ECPAS: variants seen among roughly 807,000 people sequenced by gnomAD.
The protein encoded by ECPAS is proteasome adapter and scaffold protein ECM29.
In ECPAS, 70 loss-of-function variants were observed where a neutral mutation model predicts 255.1. The ratio of observed to expected loss-of-function variants is 0.27; its 90% CI spans 0.23 to 0.33. ECPAS has a LOEUF of 0.33. Ranked by LOEUF, ECPAS falls within the 10% of genes least tolerant of loss-of-function variation. The probability of loss-of-function intolerance (pLI) is 1.00; values close to 1 mark genes in which losing one functional copy is unlikely to be tolerated. For synonymous variants in ECPAS, 784 were observed against 775.0 expected (o/e 1.01, Z -0.19); for missense variants, 1,817 against 2,206.4 (o/e 0.82, Z 3.54).
In ECPAS at chr9:111,384,085, T is replaced by C. The variant is rs138370379; in HGVS notation, c.3681+437A>G. ...ATTTAAAACCTGGTTTTACTATTTA[T>C]GTGACCTATGGCAAGGTTTGTGCAA... On this transcript the variant is annotated intron_variant, in intron 34 of 49. Coordinates refer to ENST00000684092, the MANE Select transcript of ECPAS (RefSeq NM_001364929.1). Among the ~76,000 whole-genome samples, 486 of 152,354 alleles carry C rather than the reference T, an allele frequency of 3.2e-3. 3 individuals carry two copies. Among genetic ancestry groups the C allele is most frequent in the African/African-American group, 0.011 (471 of 41,582 alleles).
chr9:111,389,927 G>A (rs913960769), intron 30 of ECPAS, 57 bp downstream of exon 30: 17 of 1,290,230 alleles, frequency 1.3e-5, no homozygotes, highest in Non-Finnish European at 1.6e-5. Flanking sequence ...GTCTGCCAAT[G>A]TAGCATGTTT....
intron 34 of ECPAS, among the ~76,000 whole-genome samples, chr9:111,383,854 C>T (rs946438021): frequency 2.0e-5 from 3 of 151,798 alleles, no homozygotes; most frequent in Admixed American, 6.6e-5. Flanking sequence ...CCCGGCAGGT[C>T]GAGACTACAG....
rs1267496007 is a variant in ECPAS at position 111,484,360 on chromosome 9, G to C, written c.-327C>G. 6 of 1,611,242 alleles carry C rather than the reference G, an allele frequency of 3.7e-6. No individual in the cohort carries two copies. Among genetic ancestry groups the C allele is most frequent in the Non-Finnish European group, 5.1e-6 (6 of 1,179,232 alleles). ...GGGCCCGACCTGGGGAAACACGCCT[G>C]TCCAAAGGAAGAGACGTGGACTCAG... On this transcript the variant is annotated 5_prime_UTR_variant, in exon 1 of 50. Coordinates refer to ENST00000684092, the MANE Select transcript of ECPAS (RefSeq NM_001364929.1).
Position 111,397,019 on chromosome 9 carries a change from A to G in ECPAS, c.2776+11T>C, listed in dbSNP as rs761469931. On this transcript the variant is annotated intron_variant, in intron 25 of 49. Transcript: ENST00000684092. ...TGATCATTATAAATCGATTAGCTGA[A>G]TATTTGGTACCAGCAGGTGGAGTAT... 2 of 1,613,878 alleles carry G rather than the reference A, an allele frequency of 1.2e-6. No individual in the cohort carries two copies. The highest frequency in any genetic ancestry group is 8.5e-7 in the Non-Finnish European group (1 of 1,179,758).
chr9:111,414,550 G>C lies in ECPAS; in HGVS notation c.1866C>G (p.Arg622=). The change falls in exon 19 of 50, where the codon CGC becomes CGG. Residue 622 remains arginine (R), a synonymous_variant. Coordinates refer to ENST00000684092, the MANE Select transcript of ECPAS (RefSeq NM_001364929.1). ...CGCTTGACATTAAAGTCCGTATGTAGCGCCCAATGGCTGGGGCATGATCCT... is the reference window on the plus strand; with the variant it reads ...CGCTTGACATTAAAGTCCGTATGTACCGCCCAATGGCTGGGGCATGATCCT... ...DMQDHAPAIG[R]YIRTLMSSGQ... 2 of 1,613,998 alleles carry C rather than the reference G, an allele frequency of 1.2e-6. No individual in the cohort carries two copies. Among genetic ancestry groups the C allele is most frequent in the Non-Finnish European group, 1.7e-6 (2 of 1,179,882 alleles).
chr9:111,425,370 A>G (rs1311406575), intron 12 of ECPAS, 48 bp downstream of exon 12: 1 of 1,204,690 alleles, frequency 8.3e-7, no homozygotes, highest in Non-Finnish European at 1.2e-6. Context: ...TATAGAAAAT[A>G]CTTTAAGATA....
chr9:111,437,455 T>C (rs956851778), intron 6 of ECPAS, among the ~76,000 whole-genome samples: 2 of 152,176 alleles, frequency 1.3e-5, no homozygotes, highest in African/African-American at 2.4e-5. Context: ...GAGGAAAAGT[T>C]TGTTGACAAA....
chr9:111,474,978 T>A (rs74489990), intron 1 of ECPAS, among the ~76,000 whole-genome samples: 1 of 152,144 alleles, frequency 6.6e-6, no homozygotes, highest in Non-Finnish European at 1.5e-5. Flanking sequence ...CTTACTCAGC[T>A]TTTTTTGTTT....
chr9:111,401,538 A>C (rs1564519556), intron 24 of ECPAS, among the ~76,000 whole-genome samples: 1 of 152,334 alleles, frequency 6.6e-6, no homozygotes, highest in South Asian at 2.1e-4. Flanking sequence ...TTTAGCAGGA[A>C]ACAGGGTTTG....
intron 31 of ECPAS, 102 bp from the exon 32 acceptor site, chr9:111,386,558 C>T (rs1273315277): frequency 1.5e-5 from 10 of 687,592 alleles, no homozygotes; most frequent in Non-Finnish European, 2.5e-5. Context: ...CCACACTGAC[C>T]ATGTTTCTAT....
intron 1 of ECPAS, among the ~76,000 whole-genome samples, chr9:111,478,714 A>C (rs114646124): frequency 0.018 from 2,686 of 152,306 alleles, 90 homozygotes; most frequent in African/African-American, 0.061. Flanking sequence ...ATAGAAATGC[A>C]GTTTTACCAG....
Position 111,394,241 on chromosome 9 carries a change from G to C in ECPAS, c.2841C>G (p.Ser947Arg), listed in dbSNP as rs770097526. The C allele has an allele frequency of 1.0e-5, 16 of 1,605,372 alleles. No homozygotes were observed. Among genetic ancestry groups the C allele is most frequent in the Non-Finnish European group, 1.3e-5 (15 of 1,175,686 alleles). Residue 947 changes from serine (S) to arginine (R), a missense_variant, in exon 26 of 50, where the codon AGC becomes AGG. Ser to Arg is a moderately radical substitution (Grantham distance 110). Transcript: ENST00000684092. ...LDVILNKHIISPNPHVRQAAC... is the reference protein window; with the variant it reads ...LDVILNKHIIRPNPHVRQAAC... Reference sequence around the variant, plus strand: ...CTGCTTGCCTCACGTGTGGGTTGGGGCTGATGATATGTTTATTTAAAATCA... The same window carrying C: ...CTGCTTGCCTCACGTGTGGGTTGGGCCTGATGATATGTTTATTTAAAATCA...
intron 3 of ECPAS, among the ~76,000 whole-genome samples, chr9:111,446,067 C>T (rs1440009995): frequency 6.6e-6 from 1 of 152,156 alleles, no homozygotes; most frequent in African/African-American, 2.4e-5. Context: ...TTTCTTAATC[C>T]AGTCTATCAC....
At chr9:111,431,483 G>A (rs1254686059) in intron 8 of ECPAS, among the ~76,000 whole-genome samples, 1 of 151,332 alleles carries the variant, frequency 6.6e-6, no homozygotes, top group Non-Finnish European at 1.5e-5. Context: ...ACTTGAATCC[G>A]AGAGGGGGAG....
At chr9:111,414,372 AAATTAGATTTTTGCT>A in intron 19 of ECPAS, 42 bp downstream of exon 19, 2 of 1,448,960 alleles carry the variant, frequency 1.4e-6, no homozygotes, top group South Asian at 2.4e-5. Flanking sequence ...GCAAAGTTTA[AAATTAGATTTTTGCT>A]TAAGTGCTTC....
Position 111,371,782 on chromosome 9 carries a change from T to C in ECPAS, c.4576A>G (p.Thr1526Ala). 6.2e-7 allele frequency: 1 copy of C among 1,613,868 alleles called. No individual in the cohort carries two copies. The highest frequency in any genetic ancestry group is 1.3e-5 in the African/African-American group (1 of 75,034). The change falls in exon 43 of 50, where the codon ACC (threonine) becomes GCC (alanine). Residue 1526 changes from threonine to alanine, a missense_variant. This residue lies in a region of ECPAS where 960 missense variants were observed against 1,179.0 expected (regional missense o/e 0.81). Transcript: ENST00000684092. ...GACTGAGACTGCAAAGCCTTCTGGG[T>C]AATAGTAATTAACTCCTGCAGGTAT... ...RLYLQELITITQKALQSQSWK... is the reference protein window; with the variant it reads ...RLYLQELITIAQKALQSQSWK...
At chr9:111,417,819 A>G in intron 17 of ECPAS, 64 bp downstream of exon 17, 1 of 1,408,504 alleles carries the variant, frequency 7.1e-7, no homozygotes, top group Non-Finnish European at 9.5e-7. Context: ...TTTCACTTTA[A>G]AGATGTTTTT....
At position 111,376,369 on chromosome 9, in the gene ECPAS, G is replaced by A. The variant is rs572171597; in HGVS notation, c.4020+107C>T. 4.7e-6 allele frequency: 4 copies of A among 850,588 alleles called. No homozygotes were observed. The Admixed American group carries it at 6.3e-5, about 13-fold the overall frequency. 52.7% of individuals were successfully genotyped at this position (850,588 alleles called of 1,614,324 possible). On this transcript the variant is annotated intron_variant, in intron 37 of 49. Coordinates refer to ENST00000684092, the MANE Select transcript of ECPAS (RefSeq NM_001364929.1). ...AAAACTGGAGTCACAACAGCTGCTT[G>A]ACTCATCCCATAAGTCTCTGCTTCA...
intron 3 of ECPAS, 133 bp downstream of exon 3, chr9:111,451,292 C>G: frequency 1.1e-6 from 1 of 887,624 alleles, no homozygotes; most frequent in Non-Finnish European, 1.7e-6. Context: ...TGGTTCTAGA[C>G]TTACTCTCCA....
Sources: gnomAD v4.1 joint callset for allele counts (sites outside exome capture counted in the v4.1 genomes callset) on GRCh38, gnomAD v4.1.1 for gene constraint, gnomAD v4.1.1 regional missense constraint, MANE v1.5 for transcripts, NCBI Gene and HGNC (gene_info 2026-07-23, HGNC 2026-07-21) for gene names.